The following SPOCK3 variants were observed in gnomAD, a reference collection of about 807,000 sequenced individuals.
SPOCK3 encodes the protein SPARC (osteonectin), cwcv and kazal like domains proteoglycan 3.
A neutral mutation model predicts 56.6 loss-of-function variants in SPOCK3; 30 were observed. That is an observed-to-expected ratio of 0.53 (90% confidence interval 0.40 to 0.72). SPOCK3 has a LOEUF of 0.72. SPOCK3 is among the 30% of genes least tolerant of loss of function. The pLI is 0.00. For missense variants in SPOCK3, 527 were observed against 530.0 expected (o/e 0.99, Z 0.06); for synonymous variants, 196 against 183.3 (o/e 1.07, Z -0.56).
chr4:167,166,231 C>G (rs1765750567), intron 2 of SPOCK3, among the ~76,000 whole-genome samples: 1 of 152,014 alleles, frequency 6.6e-6, no homozygotes, highest in Non-Finnish European at 1.5e-5. Context: ...CTGGACAAAA[C>G]TAGAACATTG....
At chr4:166,808,137 G>A (rs2126714195) in intron 6 of SPOCK3, among the ~76,000 whole-genome samples, 1 of 152,202 alleles carries the variant, frequency 6.6e-6, no homozygotes, top group Middle Eastern at 3.4e-3. Flanking sequence ...AGAACTATGA[G>A]CATTGTTAGA....
At chr4:166,851,677 G>A (rs1310851155) in intron 6 of SPOCK3, among the ~76,000 whole-genome samples, 1 of 152,068 alleles carries the variant, frequency 6.6e-6, no homozygotes, top group Non-Finnish European at 1.5e-5. Flanking sequence ...GGAGAAATAG[G>A]AACACTTTTA....
At chr4:166,795,979 C>A (rs936204599) in intron 6 of SPOCK3, among the ~76,000 whole-genome samples, 1 of 152,234 alleles carries the variant, frequency 6.6e-6, no homozygotes, top group African/African-American at 2.4e-5. Context: ...AAAGGCTTCA[C>A]GATTGGCATT....
intron 2 of SPOCK3, among the ~76,000 whole-genome samples, chr4:167,111,867 C>A (rs1760931260): frequency 6.6e-6 from 1 of 151,860 alleles, no homozygotes; most frequent in African/African-American, 2.4e-5. Flanking sequence ...AGGTGATTCT[C>A]TCACCTCAGC....
At chr4:166,838,734 A>T (rs1027268341) in intron 6 of SPOCK3, among the ~76,000 whole-genome samples, 1 of 139,820 alleles carries the variant, frequency 7.2e-6, no homozygotes, top group African/African-American at 2.6e-5. Context: ...GCGGATCACA[A>T]AGTCAGGAGA....
At chr4:166,903,556 A>C (rs1177668407) in intron 5 of SPOCK3, among the ~76,000 whole-genome samples, 1 of 152,058 alleles carries the variant, frequency 6.6e-6, no homozygotes, top group Non-Finnish European at 1.5e-5. Flanking sequence ...GGGTTGTCTA[A>C]TTCATCGACG....
intron 6 of SPOCK3, among the ~76,000 whole-genome samples, chr4:166,802,549 C>G (rs1018494596): frequency 6.6e-6 from 1 of 152,092 alleles, no homozygotes; most frequent in African/African-American, 2.4e-5. Context: ...AACAAGCTCC[C>G]TTGGGCCTCC....
At chr4:166,941,295 T>C (rs79883091) in intron 4 of SPOCK3, among the ~76,000 whole-genome samples, 4,207 of 152,278 alleles carry the variant, frequency 0.028, 177 homozygotes, top group African/African-American at 0.095. Flanking sequence ...TTTTCCGTCA[T>C]GATTTTGTCC....
intron 6 of SPOCK3, among the ~76,000 whole-genome samples, chr4:166,796,891 A>G (rs542622724): frequency 3.9e-5 from 6 of 152,338 alleles, no homozygotes; most frequent in Non-Finnish European, 8.8e-5. Flanking sequence ...AAAAGGCTTA[A>G]GTTGGCTCCA....
chr4:167,091,959 G>A (rs1372535908), intron 2 of SPOCK3, among the ~76,000 whole-genome samples: 1 of 152,162 alleles, frequency 6.6e-6, no homozygotes, highest in African/African-American at 2.4e-5. Flanking sequence ...GCTGCCTTGT[G>A]AAAATAAGTG....
chr4:166,867,992 G>A (rs1212391477), intron 6 of SPOCK3, among the ~76,000 whole-genome samples: 1 of 151,746 alleles, frequency 6.6e-6, no homozygotes, highest in African/African-American at 2.4e-5. Context: ...GAAATAAATG[G>A]CATTATTTTA....
chr4:166,771,403 T>C (rs1738912390), intron 7 of SPOCK3, among the ~76,000 whole-genome samples: 1 of 152,034 alleles, frequency 6.6e-6, no homozygotes, highest in African/African-American at 2.4e-5. Context: ...ATAGATTATC[T>C]TGAAGAATCC....
intron 5 of SPOCK3, among the ~76,000 whole-genome samples, chr4:166,907,193 T>C (rs79380975): frequency 0.027 from 4,055 of 152,142 alleles, 164 homozygotes; most frequent in African/African-American, 0.082. Context: ...GGCACCTGTG[T>C]CTCTAACTCA....
At chr4:166,908,926 C>T (rs1481484029) in intron 5 of SPOCK3, among the ~76,000 whole-genome samples, 1 of 152,002 alleles carries the variant, frequency 6.6e-6, no homozygotes, top group East Asian at 1.9e-4. Flanking sequence ...GAATGATTAC[C>T]TCTCAAACAA....
intron 6 of SPOCK3, among the ~76,000 whole-genome samples, chr4:166,856,703 G>A (rs184363809): frequency 8.0e-4 from 122 of 152,084 alleles, no homozygotes; most frequent in African/African-American, 2.8e-3. Flanking sequence ...GAACCCGGGA[G>A]GCGGAGGTTG....
intron 2 of SPOCK3, among the ~76,000 whole-genome samples, chr4:167,073,232 TTTAA>T (rs1218786754): frequency 2.0e-5 from 3 of 151,658 alleles, no homozygotes; most frequent in Admixed American, 6.6e-5. Flanking sequence ...TATAAGACTG[TTTAA>T]TTATATCATC....
intron 3 of SPOCK3, among the ~76,000 whole-genome samples, chr4:167,022,410 C>G (rs527296175): frequency 6.6e-6 from 1 of 152,122 alleles, no homozygotes; most frequent in Admixed American, 6.6e-5. Context: ...TGGGTGATTT[C>G]TAATGTGTAG....
intron 8 of SPOCK3, chr4:166,754,236 G>A (rs1307817100): frequency 8.9e-7 from 1 of 1,125,906 alleles, no homozygotes. Context: ...TAATATTTCT[G>A]TGTGCTTCTT....
At chr4:167,099,717 T>C (rs188252387) in intron 2 of SPOCK3, among the ~76,000 whole-genome samples, 1,848 of 152,234 alleles carry the variant, frequency 0.012, 21 homozygotes, top group Non-Finnish European at 0.018. Context: ...TTTTATACTT[T>C]TTAAAAAATT....
Sources: gnomAD v4.1 joint callset for allele counts (sites outside exome capture counted in the v4.1 genomes callset) on GRCh38, gnomAD v4.1.1 for gene constraint, MANE v1.5 for transcripts, NCBI Gene and HGNC (gene_info 2026-07-23, HGNC 2026-07-21) for gene names.